ZNF704: variants seen among roughly 807,000 people sequenced by gnomAD.
ZNF704 encodes the protein zinc finger protein 704, also known as glucocorticoid induced gene 1.
In ZNF704, 10 loss-of-function variants were observed where a neutral mutation model predicts 44.7. The ratio of observed to expected loss-of-function variants is 0.22; its 90% CI spans 0.14 to 0.38. ZNF704 has a LOEUF of 0.38. ZNF704 is among the 10% of genes least tolerant of loss of function. ZNF704 has a pLI of 1.00. For missense variants in ZNF704, 390 were observed against 545.5 expected (o/e 0.71, Z 2.84); for synonymous variants, 211 against 207.6 (o/e 1.02, Z -0.14).
At position 80,635,743 on chromosome 8, in the gene ZNF704, T is replaced by C. The variant is rs1431466764; in HGVS notation, c.*5623A>G. ...GATTTAAAATATATAAAATGACTCT[T>C]CAGGCATCTTTTTCCATACTTTGAA... is the stretch of plus-strand genomic sequence containing the variant. On this transcript the variant is annotated 3_prime_UTR_variant, in exon 9 of 9. Transcript: ENST00000327835. 2.0e-5 allele frequency: 3 copies of C among 152,206 alleles called. No homozygotes were observed. Among genetic ancestry groups the C allele is most frequent in the African/African-American group, 7.2e-5 (3 of 41,462 alleles). 9.4% of individuals were successfully genotyped at this position (152,206 alleles called of 1,614,324 possible).
chr8:80,769,841 C>T (rs1807289643), intron 2 of ZNF704, among the ~76,000 whole-genome samples: 1 of 152,158 alleles, frequency 6.6e-6, no homozygotes, highest in Non-Finnish European at 1.5e-5. Flanking sequence ...GTGCCCCACT[C>T]TACTGGTACC....
chr8:80,834,631 GT>G (rs1191451548), intron 1 of ZNF704, among the ~76,000 whole-genome samples: 1 of 152,098 alleles, frequency 6.6e-6, no homozygotes, highest in Non-Finnish European at 1.5e-5. Context: ...CGTCATCTAG[GT>G]TTTAAGCCCT....
chr8:80,710,699 C>A (rs1277911064), intron 2 of ZNF704, among the ~76,000 whole-genome samples: 1 of 152,078 alleles, frequency 6.6e-6, no homozygotes, highest in East Asian at 1.9e-4. Context: ...TATGTGCAAG[C>A]CAGGAAGAGG....
intron 2 of ZNF704, among the ~76,000 whole-genome samples, chr8:80,797,016 CAAAGGAGGGAATAGCCCAAAAG>C (rs1255084498): frequency 6.6e-6 from 1 of 151,654 alleles, no homozygotes; most frequent in East Asian, 1.9e-4. Context: ...AGCAAGCAAG[CAAAGGAGGGAATAGCCCAAAAG>C]ATAGTGGTAA....
chr8:80,675,261 G>A (rs1385944836), intron 4 of ZNF704, among the ~76,000 whole-genome samples: 1 of 152,206 alleles, frequency 6.6e-6, no homozygotes, highest in Non-Finnish European at 1.5e-5. Flanking sequence ...GCCTGAAGAT[G>A]AGAAAGACCT....
intron 2 of ZNF704, among the ~76,000 whole-genome samples, chr8:80,808,646 GGT>G (rs1333908288): frequency 1.4e-4 from 22 of 152,256 alleles, no homozygotes. Flanking sequence ...TGCTCCTCAT[GGT>G]CCCTCCTTAC....
chr8:80,697,656 T>A (rs1209737732), intron 2 of ZNF704, among the ~76,000 whole-genome samples: 1 of 152,222 alleles, frequency 6.6e-6, no homozygotes, highest in African/African-American at 2.4e-5. Context: ...AAAAGAAGGA[T>A]AAACATAGAC....
rs545842397 is a variant in ZNF704 at position 80,810,502 on chromosome 8, A to C, written c.221+10872T>G. ...TTAACAATATTAAAAAAGTATGAAC[A>C]AATGCATTCAGTGTGATAACTGTGG... On this transcript the variant is annotated intron_variant, in intron 2 of 8. Transcript: ENST00000327835. Among the ~76,000 whole-genome samples, 4 of 152,318 alleles carry C rather than the reference A, an allele frequency of 2.6e-5. No homozygotes were observed. In the South Asian group the frequency reaches 8.3e-4, roughly 32 times the overall value.
intron 1 of ZNF704, among the ~76,000 whole-genome samples, chr8:80,844,712 A>T (rs1199954980): frequency 6.6e-6 from 1 of 152,206 alleles, no homozygotes; most frequent in Non-Finnish European, 1.5e-5. Context: ...ATAGTTTTTA[A>T]ATTTTAGAAA....
intron 2 of ZNF704, among the ~76,000 whole-genome samples, chr8:80,744,704 C>T (rs1806816447): frequency 1.3e-5 from 2 of 152,152 alleles, no homozygotes; most frequent in African/African-American, 4.8e-5. Context: ...GTGATCTTTG[C>T]TCAAAATAAT....
intron 2 of ZNF704, among the ~76,000 whole-genome samples, chr8:80,761,129 C>T (rs1807123381): frequency 6.6e-6 from 1 of 152,140 alleles, no homozygotes; most frequent in Non-Finnish European, 1.5e-5. Flanking sequence ...TACAGAGGCC[C>T]TCTTGCCCTT....
intron 1 of ZNF704, among the ~76,000 whole-genome samples, chr8:80,839,081 T>C (rs185544030): frequency 1.3e-5 from 2 of 152,196 alleles, no homozygotes; most frequent in African/African-American, 2.4e-5. Flanking sequence ...TAATTGAAAT[T>C]CCCACCCCAC....
intron 2 of ZNF704, among the ~76,000 whole-genome samples, chr8:80,726,199 T>G (rs981819915): frequency 2.6e-5 from 4 of 152,118 alleles, no homozygotes; most frequent in African/African-American, 7.2e-5. Context: ...TTAAAACAAA[T>G]TATTCAGATT....
upstream of ZNF704, among the ~76,000 whole-genome samples, chr8:80,878,532 A>G (rs1037658879): frequency 1.1e-4 from 17 of 152,200 alleles, no homozygotes; most frequent in Non-Finnish European, 2.2e-4. Context: ...TTAAAAGTAA[A>G]AGTAAAATTT....
intron 1 of ZNF704, among the ~76,000 whole-genome samples, chr8:80,843,955 ATGTGTATATATATG>A (rs1054247090): frequency 7.2e-6 from 1 of 139,612 alleles, no homozygotes; most frequent in Non-Finnish European, 1.6e-5. Context: ...ATGTATATAT[ATGTGTATATATATG>A]TGTATATATA....
At chr8:80,827,286 C>CA (rs1468151831) in intron 1 of ZNF704, among the ~76,000 whole-genome samples, 1 of 152,152 alleles carries the variant, frequency 6.6e-6, no homozygotes, top group Non-Finnish European at 1.5e-5. Flanking sequence ...CAATAACAGA[C>CA]AAACAGCCAA....
intron 1 of ZNF704, among the ~76,000 whole-genome samples, chr8:80,855,153 G>C (rs1364112695): frequency 6.6e-6 from 1 of 152,150 alleles, no homozygotes; most frequent in Non-Finnish European, 1.5e-5. Flanking sequence ...ACCCAGCAAA[G>C]TGTCTGGTAC....
chr8:80,846,089 T>C (rs1346296937), intron 1 of ZNF704, among the ~76,000 whole-genome samples: 2 of 152,212 alleles, frequency 1.3e-5, no homozygotes, highest in Admixed American at 1.3e-4. Context: ...TGGATTTTTA[T>C]GAGGGAATGC....
Position 80,822,694 on chromosome 8 carries a change from C to A in ZNF704, c.-21-1079G>T, listed in dbSNP as rs542884124. On this transcript the variant is annotated intron_variant, in intron 1 of 8. Transcript: ENST00000327835. ...TAAAAGTGTTCCTATTTCTCCACAT[C>A]CTCTCCAGCACCTGTTGTTTCCTGA... 3.3e-5 allele frequency among the ~76,000 whole-genome samples: 5 copies of A among 152,252 alleles called. No individual in the cohort carries two copies. In the East Asian group the frequency reaches 9.7e-4, roughly 29 times the overall value.
Sources: gnomAD v4.1 joint callset for allele counts (sites outside exome capture counted in the v4.1 genomes callset) on GRCh38, gnomAD v4.1.1 for gene constraint, MANE v1.5 for transcripts, NCBI Gene and HGNC (gene_info 2026-07-23, HGNC 2026-07-21) for gene names.